MYRFL: variants seen among roughly 807,000 people sequenced by gnomAD.
MYRFL encodes the protein myelin regulatory factor like, also known as myelin regulatory factor-like protein.
A neutral mutation model predicts 109.4 loss-of-function variants in MYRFL; 88 were observed. The ratio of observed to expected loss-of-function variants is 0.80; its 90% CI spans 0.68 to 0.96. MYRFL has a LOEUF of 0.96. Ranked by LOEUF, MYRFL falls within the 40% of genes least tolerant of loss-of-function variation. The pLI is 0.00. For synonymous variants in MYRFL, 324 were observed against 320.9 expected, an observed-to-expected ratio of 1.01 and a Z score of -0.10; for missense variants, 957 against 954.9, an observed-to-expected ratio of 1.00 and a Z score of -0.03.
At chr12:69,935,315 T>C (rs968458829) in intron 16 of MYRFL, among the ~76,000 whole-genome samples, 1 of 151,950 alleles carries the variant, frequency 6.6e-6, no homozygotes, top group African/African-American at 2.4e-5. Context: ...CAGGTAACTC[T>C]TTCAAGCCTA....
intron 1 of MYRFL, among the ~76,000 whole-genome samples, chr12:69,850,598 G>A (rs1883823051): frequency 6.6e-6 from 1 of 152,098 alleles, no homozygotes; most frequent in Non-Finnish European, 1.5e-5. Context: ...CGAATTCTGA[G>A]ATATGAGTGG....
chr12:69,863,612 A>G (rs1251036431), intron 2 of MYRFL, among the ~76,000 whole-genome samples: 1 of 152,180 alleles, frequency 6.6e-6, no homozygotes, highest in African/African-American at 2.4e-5. Context: ...TGTGTATTGC[A>G]TCTATATATA....
At chr12:69,861,981 C>G (rs1308154950) in intron 2 of MYRFL, among the ~76,000 whole-genome samples, 11 of 150,186 alleles carry the variant, frequency 7.3e-5, no homozygotes, top group Middle Eastern at 7.1e-3. Flanking sequence ...AGCCAGTTTT[C>G]CCAGCACCAT....
chr12:69,901,893 GT>G (rs532574773), intron 10 of MYRFL, among the ~76,000 whole-genome samples: 1 of 139,886 alleles, frequency 7.1e-6, no homozygotes, highest in African/African-American at 2.7e-5. Flanking sequence ...GTTTTTTTTT[GT>G]TTTTTTTAAA....
intron 11 of MYRFL, among the ~76,000 whole-genome samples, chr12:69,906,883 A>G (rs1395758934): frequency 6.6e-6 from 1 of 152,240 alleles, no homozygotes; most frequent in Non-Finnish European, 1.5e-5. Flanking sequence ...AGCTAATGAT[A>G]TATTATAGAA....
intron 7 of MYRFL, among the ~76,000 whole-genome samples, chr12:69,892,074 C>T (rs1886949363): frequency 6.6e-6 from 1 of 152,174 alleles, no homozygotes; most frequent in East Asian, 1.9e-4. Context: ...AATTCTTTTA[C>T]TAAATGTATT....
chr12:69,854,933 T>C (rs908594171), intron 1 of MYRFL, among the ~76,000 whole-genome samples: 1 of 152,140 alleles, frequency 6.6e-6, no homozygotes, highest in African/African-American at 2.4e-5. Flanking sequence ...AACATATTTA[T>C]TATAGTCAGT....
At chr12:69,834,791 C>T (rs1178004237) in intron 1 of MYRFL, among the ~76,000 whole-genome samples, 1 of 152,038 alleles carries the variant, frequency 6.6e-6, no homozygotes, top group African/African-American at 2.4e-5. Context: ...CATTTATAGC[C>T]CTTAGTTGCC....
chr12:69,947,333 A>G (rs1167508821), intron 19 of MYRFL, among the ~76,000 whole-genome samples: 2 of 152,192 alleles, frequency 1.3e-5, no homozygotes, highest in African/African-American at 2.4e-5. Flanking sequence ...AAGGGAAATC[A>G]ACATTTTTAT....
Position 69,897,192 on chromosome 12 carries a change from C to A in MYRFL, c.1128C>A (p.Asn376Lys), listed in dbSNP as rs928103176. ...FMLVVGLYAA[N>K]QDQFYLLSAH... ...TGGTGGTTGGACTGTATGCTGCTAACCAAGACCAGTTCTATCTGTTGTCTG... is the reference window on the plus strand; with the variant it reads ...TGGTGGTTGGACTGTATGCTGCTAAACAAGACCAGTTCTATCTGTTGTCTG... Residue 376 changes from asparagine (N) to lysine (K), a missense_variant, in exon 10 of 25, where the codon AAC (asparagine) becomes AAA (lysine). Asn to Lys is a moderately conservative substitution (Grantham distance 94). Coordinates refer to ENST00000552032, the MANE Select transcript of MYRFL (RefSeq NM_182530.3). The A allele has an allele frequency of 5.9e-6, 9 of 1,535,710 alleles. No individual in the cohort carries two copies. In the African/African-American group the frequency reaches 8.2e-5, roughly 14 times the overall value.
intron 13 of MYRFL, among the ~76,000 whole-genome samples, chr12:69,912,470 A>G (rs951346502): frequency 1.3e-5 from 2 of 152,068 alleles, no homozygotes; most frequent in Non-Finnish European, 2.9e-5. Flanking sequence ...ATAACTCCCC[A>G]TTATCCACTT....
At chr12:69,891,644 T>TCCTC (rs2136339008) in intron 7 of MYRFL, among the ~76,000 whole-genome samples, 1 of 92,258 alleles carries the variant, frequency 1.1e-5, no homozygotes, top group African/African-American at 4.7e-5. Context: ...TCTTTTTCTT[T>TCCTC]CTTTCTTTCT....
chr12:69,921,497 T>C, intron 13 of MYRFL, among the ~76,000 whole-genome samples: 1 of 152,176 alleles, frequency 6.6e-6, no homozygotes, highest in East Asian at 1.9e-4. Flanking sequence ...AGATTATAGT[T>C]TTGAACATAT....
intron 22 of MYRFL, among the ~76,000 whole-genome samples, chr12:69,956,612 C>G (rs1406626902): frequency 2.6e-5 from 4 of 151,916 alleles, no homozygotes; most frequent in African/African-American, 9.7e-5. Context: ...TCCCCTCTCT[C>G]CCTCTGCTTG....
In MYRFL at chr12:69,881,629, C is replaced by G. The variant is rs147842386; in HGVS notation, c.556+1337C>G. On this transcript the variant is annotated intron_variant, in intron 5 of 24. Coordinates refer to ENST00000552032, the MANE Select transcript of MYRFL (RefSeq NM_182530.3). ...GATGACTTCACCCTGTCAGTCAAGT[C>G]CCACCCATCTCCTGGGAGTGCGGTC... Among the ~76,000 whole-genome samples, 43 of 152,314 alleles carry G rather than the reference C, an allele frequency of 2.8e-4. No homozygotes were observed. The East Asian group carries it at 8.3e-3, about 29-fold the overall frequency.
chr12:69,859,163 A>G (rs1368383553), intron 2 of MYRFL, among the ~76,000 whole-genome samples: 1 of 152,056 alleles, frequency 6.6e-6, no homozygotes, highest in Admixed American at 6.6e-5. Context: ...AATTTTCCAT[A>G]TATTTTTCTG....
intron 4 of MYRFL, among the ~76,000 whole-genome samples, chr12:69,879,937 A>T (rs1243539698): frequency 6.6e-6 from 1 of 152,158 alleles, no homozygotes; most frequent in Non-Finnish European, 1.5e-5. Flanking sequence ...CGGGTGTAAA[A>T]TGTATACCTA....
At chr12:69,945,110 G>A (rs1399108876) in intron 19 of MYRFL, among the ~76,000 whole-genome samples, 2 of 152,044 alleles carry the variant, frequency 1.3e-5, no homozygotes, top group East Asian at 3.9e-4. Context: ...TATTACAAGA[G>A]TCAAAAAGTT....
chr12:69,862,884 GT>G (rs1380486472), intron 2 of MYRFL, among the ~76,000 whole-genome samples: 3 of 152,154 alleles, frequency 2.0e-5, no homozygotes, highest in Non-Finnish European at 4.4e-5. Flanking sequence ...TTGGCTGTGG[GT>G]TTGTCATAGA....
Sources: allele counts gnomAD v4.1 joint callset (sites outside exome capture counted in the v4.1 genomes callset), GRCh38; gene constraint gnomAD v4.1.1; transcripts MANE v1.5; gene names NCBI Gene and HGNC (gene_info 2026-07-23, HGNC 2026-07-21).